Variants in ARHGAP18 observed in about 807,000 individuals in gnomAD.
ARHGAP18 encodes Rho GTPase activating protein 18.
ARHGAP18 carries 67 observed loss-of-function variants against 86.2 expected under a neutral mutation model. The ratio of observed to expected loss-of-function variants is 0.78; its 90% confidence interval spans 0.64 to 0.95. ARHGAP18 has a LOEUF of 0.95. ARHGAP18 is among the 40% of genes least tolerant of loss of function. The pLI is 0.00. For missense variants in ARHGAP18, 691 were observed against 780.4 expected (o/e 0.89, Z 1.37); for synonymous variants, 283 against 280.4 (o/e 1.01, Z -0.09).
At chr6:129,709,920 G>T (rs1774876646) in intron 1 of ARHGAP18, 104 bp downstream of exon 1, 2 of 872,636 alleles carry the variant, frequency 2.3e-6, no homozygotes, top group Non-Finnish European at 3.7e-6. Flanking sequence ...GCTCAGGCTC[G>T]ACGTGCAGAT....
intron 1 of ARHGAP18, among the ~76,000 whole-genome samples, chr6:129,680,194 A>T (rs1562722451): frequency 6.6e-6 from 1 of 152,210 alleles, no homozygotes; most frequent in African/African-American, 2.4e-5. Context: ...CTTTTTAAAA[A>T]TTTTTGGAAG....
At chr6:129,681,884 C>T (rs1415171804) in intron 1 of ARHGAP18, among the ~76,000 whole-genome samples, 2 of 152,208 alleles carry the variant, frequency 1.3e-5, no homozygotes, top group Non-Finnish European at 2.9e-5. Context: ...CTTGCCTTCA[C>T]CTAGCAGAAG....
At chr6:129,623,251 A>G (rs1284646533) in intron 5 of ARHGAP18, among the ~76,000 whole-genome samples, 6 of 152,138 alleles carry the variant, frequency 3.9e-5, no homozygotes, top group Non-Finnish European at 7.4e-5. Context: ...TCAAAAGCTT[A>G]GTCATTAATG....
intron 3 of ARHGAP18, 34 bp from the exon 4 acceptor site, chr6:129,634,139 C>T: frequency 6.3e-7 from 1 of 1,583,750 alleles, no homozygotes; most frequent in African/African-American, 1.3e-5. Context: ...TAGTCATCTC[C>T]AACTCAAAAC....
Position 129,580,104 on chromosome 6 carries a change from T to C in ARHGAP18, c.1866A>G (p.Gly622=), listed in dbSNP as rs1178143435. 6 of 1,613,556 alleles carry C rather than the reference T, an allele frequency of 3.7e-6. No individual in the cohort carries two copies. The highest frequency in any genetic ancestry group is 5.1e-6 in the Non-Finnish European group (6 of 1,179,590). ...ESGVAQTLKK[G]EVFLYEIGGN... ...CTCCAATTTCATACAAAAAAACTTCTCCTTTCTTGAGAGTCTGGGCAACCC... is the reference window on the plus strand; with the variant it reads ...CTCCAATTTCATACAAAAAAACTTCCCCTTTCTTGAGAGTCTGGGCAACCC... The change falls in exon 14 of 15, where the codon GGA becomes GGG. Residue 622 remains glycine, a synonymous_variant. Coordinates refer to ENST00000368149, the MANE Select transcript of ARHGAP18 (RefSeq NM_033515.3).
chr6:129,597,828 T>C (rs1162937007), intron 12 of ARHGAP18, among the ~76,000 whole-genome samples: 2 of 152,198 alleles, frequency 1.3e-5, no homozygotes, highest in African/African-American at 4.8e-5. Flanking sequence ...TTTTAAATAG[T>C]ACAGAGATCA....
intron 5 of ARHGAP18, among the ~76,000 whole-genome samples, chr6:129,625,551 TTATTATA>T (rs1239332658): frequency 9.2e-5 from 4 of 43,570 alleles, no homozygotes; most frequent in African/African-American, 2.9e-4. Flanking sequence ...TTATATATAT[TTATTATA>T]TATTATATAT....
At position 129,584,015 on chromosome 6, in the gene ARHGAP18, A is replaced by G. The variant is rs1234459828; in HGVS notation, c.1811T>C (p.Val604Ala). The change falls in exon 13 of 15, where the codon GTA (valine) becomes GCA (alanine). Residue 604 changes from valine (V) to alanine (A), a missense_variant. By Grantham distance (64) the Val-to-Ala change is moderately conservative. Transcript: ENST00000368149. The part of the protein sequence containing the change: ...QLTEELKASD[V>A]LARFLSQESG... ...TTCTTGGCTGAGAAACCTGGCAAGT[A>G]CATCACTGGCTTTTAGTTCTTCAGT... The G allele has an allele frequency of 6.2e-7, 1 of 1,613,774 alleles. No homozygotes were observed. The highest frequency in any genetic ancestry group is 1.7e-5 in the Admixed American group (1 of 59,996).
chr6:129,625,144 ATATATTATATAGATATATAT>A (rs1374340584), intron 5 of ARHGAP18, among the ~76,000 whole-genome samples: 11 of 15,432 alleles, frequency 7.1e-4, no homozygotes, highest in East Asian at 4.2e-3. Context: ...GATATATATT[ATATATTATATAGATATATAT>A]TATATATGAT....
At chr6:129,607,758 C>T (rs1788883529) in intron 9 of ARHGAP18, 135 bp downstream of exon 9, 1 of 867,888 alleles carries the variant, frequency 1.2e-6, no homozygotes. Flanking sequence ...CAGCTGAGCA[C>T]CCACTGACAT....
intron 8 of ARHGAP18, among the ~76,000 whole-genome samples, 184 bp from the exon 9 acceptor site, chr6:129,608,236 A>G (rs1233104573): frequency 6.6e-6 from 1 of 152,026 alleles, no homozygotes; most frequent in African/African-American, 2.4e-5. Context: ...CCTCTAATCC[A>G]AATGTACTTT....
At chr6:129,591,364 C>T (rs1788509163) in intron 12 of ARHGAP18, among the ~76,000 whole-genome samples, 1 of 151,998 alleles carries the variant, frequency 6.6e-6, no homozygotes, top group African/African-American at 2.4e-5. Context: ...GAGGAGCGTG[C>T]TTGTGAACTG....
intron 12 of ARHGAP18, among the ~76,000 whole-genome samples, chr6:129,587,583 T>TC (rs1788421130): frequency 6.6e-6 from 1 of 152,144 alleles, no homozygotes; most frequent in Admixed American, 6.5e-5. Context: ...AGAAGGCACC[T>TC]CTTCACAGGA....
intron 1 of ARHGAP18, among the ~76,000 whole-genome samples, chr6:129,655,748 C>T (rs1039877813): frequency 1.2e-4 from 18 of 152,174 alleles, no homozygotes; most frequent in Admixed American, 7.2e-4. Context: ...AACTTTCATA[C>T]GCCAACCAAT....
chr6:129,634,599 A>G (rs1320388497), intron 3 of ARHGAP18, among the ~76,000 whole-genome samples: 1 of 152,206 alleles, frequency 6.6e-6, no homozygotes, highest in Non-Finnish European at 1.5e-5. Flanking sequence ...ATTTATAGCA[A>G]CTGACCATAA....
intron 10 of ARHGAP18, among the ~76,000 whole-genome samples, chr6:129,604,980 C>A (rs1788822888): frequency 6.6e-6 from 1 of 151,944 alleles, no homozygotes; most frequent in South Asian, 2.1e-4. Flanking sequence ...CCAAGATGTA[C>A]CAACTAGTAA....
chr6:129,623,920 G>A (rs1368305544), intron 5 of ARHGAP18, among the ~76,000 whole-genome samples: 2 of 152,192 alleles, frequency 1.3e-5, no homozygotes, highest in Non-Finnish European at 2.9e-5. Flanking sequence ...TCTTGAGCTA[G>A]TCTCTGAAGA....
chr6:129,677,272 A>G (rs529112506), intron 1 of ARHGAP18, among the ~76,000 whole-genome samples: 8 of 152,242 alleles, frequency 5.3e-5, no homozygotes, highest in African/African-American at 1.7e-4. Flanking sequence ...GGACGCCTGT[A>G]GTCTCAGCTA....
chr6:129,694,603 T>C (rs913649991), intron 1 of ARHGAP18, among the ~76,000 whole-genome samples: 2 of 152,240 alleles, frequency 1.3e-5, no homozygotes, highest in Non-Finnish European at 2.9e-5. Flanking sequence ...GAAACTATCA[T>C]GTTGGAATAC....
Sources: allele counts gnomAD v4.1 joint callset (sites outside exome capture counted in the v4.1 genomes callset), GRCh38; gene constraint gnomAD v4.1.1; transcripts MANE v1.5; gene names NCBI Gene and HGNC (gene_info 2026-07-23, HGNC 2026-07-21).